Variants in PARN observed in about 807,000 individuals in gnomAD.
PARN encodes poly(A)-specific ribonuclease PARN.
A neutral mutation model predicts 102.8 loss-of-function variants in PARN; 71 were observed. That is an observed-to-expected ratio of 0.69 (90% CI 0.57 to 0.84). The LOEUF is 0.84. Ranked by LOEUF, PARN falls within the 40% of genes least tolerant of loss-of-function variation. The pLI, the probability that PARN is intolerant of heterozygous loss-of-function variation, is 0.00. For missense variants in PARN, 782 were observed against 760.9 expected (o/e 1.03, Z -0.33); for synonymous variants, 261 against 252.9 (o/e 1.03, Z -0.30).
chr16:14,460,510 G>C (rs1251343207), intron 22 of PARN, among the ~76,000 whole-genome samples: 2 of 151,976 alleles, frequency 1.3e-5, no homozygotes, highest in African/African-American at 4.8e-5. Context: ...TCTTCCAAAG[G>C]GTTGTCCTTT....
At chr16:14,569,160 C>T (rs545984781) in intron 18 of PARN, among the ~76,000 whole-genome samples, 2 of 151,190 alleles carry the variant, frequency 1.3e-5, no homozygotes, top group African/African-American at 2.4e-5. Flanking sequence ...TGCAGTGAGA[C>T]GAGATCACGC....
At chr16:14,532,491 G>A (rs1966395954) in intron 21 of PARN, among the ~76,000 whole-genome samples, 1 of 151,700 alleles carries the variant, frequency 6.6e-6, no homozygotes, top group South Asian at 2.1e-4. Flanking sequence ...ACAGGGTTGG[G>A]GGCAAGGTCA....
intron 12 of PARN, among the ~76,000 whole-genome samples, chr16:14,599,037 C>A (rs980560670): frequency 1.2e-5 from 1 of 81,462 alleles, no homozygotes; most frequent in African/African-American, 4.9e-5. Context: ...TTCTCCTCTT[C>A]TTTTTTTTTT....
intron 21 of PARN, among the ~76,000 whole-genome samples, chr16:14,547,986 T>A (rs1361678575): frequency 1.3e-5 from 2 of 152,308 alleles, no homozygotes; most frequent in Non-Finnish European, 2.9e-5. Context: ...GGCTCATGCT[T>A]GTAATCCCAG....
At chr16:14,543,691 CAAAA>C (rs1567367019) in intron 21 of PARN, among the ~76,000 whole-genome samples, 1 of 151,268 alleles carries the variant, frequency 6.6e-6, no homozygotes, top group African/African-American at 2.4e-5. Context: ...AAAGATAAAA[CAAAA>C]AAGCCAGCAG....
chr16:14,446,840 AT>A (rs758157114), intron 23 of PARN, 47 bp downstream of exon 23: 225 of 1,391,228 alleles, frequency 1.6e-4, no homozygotes, highest in Non-Finnish European at 6.0e-5. Context: ...TTTCTAGAGC[AT>A]TTAAATAGTC....
intron 23 of PARN, among the ~76,000 whole-genome samples, chr16:14,442,632 CGGAGTCTT>C (rs1960995878): frequency 2.1e-5 from 3 of 142,738 alleles, no homozygotes; most frequent in African/African-American, 7.5e-5. Flanking sequence ...TTTCTTGAGA[CGGAGTCTT>C]GGAGTCTTGC....
chr16:14,504,784 TAGAA>T (rs1362715593), intron 21 of PARN, among the ~76,000 whole-genome samples: 1 of 152,114 alleles, frequency 6.6e-6, no homozygotes, highest in Non-Finnish European at 1.5e-5. Context: ...GAGAAAAACT[TAGAA>T]TAAAAAAATC....
intron 18 of PARN, among the ~76,000 whole-genome samples, chr16:14,563,280 G>T (rs1968191294): frequency 6.6e-6 from 1 of 152,168 alleles, no homozygotes; most frequent in Non-Finnish European, 1.5e-5. Context: ...CAGACAGGCG[G>T]CCACTTTAAG....
intron 10 of PARN, 112 bp downstream of exon 10, chr16:14,606,372 G>C: frequency 1.9e-6 from 1 of 537,974 alleles, no homozygotes; most frequent in Non-Finnish European, 3.2e-6. Context: ...ACTCCAGCCT[G>C]GGTAATCAGA....
intron 21 of PARN, among the ~76,000 whole-genome samples, chr16:14,517,153 CCTTGCAATGTGA>C (rs1294095073): frequency 6.6e-6 from 1 of 152,152 alleles, no homozygotes; most frequent in Non-Finnish European, 1.5e-5. Context: ...TATGCATGCC[CCTTGCAATGTGA>C]CTTTTCTGCT....
intron 12 of PARN, among the ~76,000 whole-genome samples, chr16:14,597,955 C>T (rs1029440416): frequency 3.3e-5 from 5 of 151,928 alleles, no homozygotes; most frequent in Non-Finnish European, 7.4e-5. Context: ...GCCAGCCTGG[C>T]CAACATGGTG....
chr16:14,571,289 A>T (rs950832468), intron 18 of PARN, among the ~76,000 whole-genome samples: 1 of 150,780 alleles, frequency 6.6e-6, no homozygotes, highest in African/African-American at 2.4e-5. Flanking sequence ...AGGCGGAGGC[A>T]GAGATTGCAG....
At chr16:14,501,856 G>A (rs577309804) in intron 21 of PARN, among the ~76,000 whole-genome samples, 1 of 152,238 alleles carries the variant, frequency 6.6e-6, no homozygotes, top group East Asian at 1.9e-4. Flanking sequence ...ACACCCATTG[G>A]AGCCTGTTCT....
At chr16:14,579,488 T>C (rs1969370205) in intron 18 of PARN, among the ~76,000 whole-genome samples, 1 of 152,114 alleles carries the variant, frequency 6.6e-6, no homozygotes, top group Non-Finnish European at 1.5e-5. Context: ...AAGGGTCACT[T>C]GAGCTCAGGA....
intron 21 of PARN, among the ~76,000 whole-genome samples, chr16:14,510,129 C>T (rs935998455): frequency 1.1e-4 from 16 of 152,184 alleles, no homozygotes; most frequent in African/African-American, 3.9e-4. Context: ...CAGGGCATTT[C>T]AGGCATCTTT....
chr16:14,483,626 A>G (rs1315650898), intron 21 of PARN, among the ~76,000 whole-genome samples: 1 of 152,136 alleles, frequency 6.6e-6, no homozygotes, highest in Non-Finnish European at 1.5e-5. Context: ...CATCACGCAA[A>G]TTAAGATAAA....
At chr16:14,599,996 G>A (rs1458569379) in intron 11 of PARN, 36 bp from the exon 12 acceptor site, 2 of 1,180,690 alleles carry the variant, frequency 1.7e-6, no homozygotes, top group South Asian at 1.4e-5. Flanking sequence ...TATTATTGAT[G>A]TATAAATATT....
intron 22 of PARN, among the ~76,000 whole-genome samples, chr16:14,473,576 T>C (rs1051361414): frequency 6.6e-6 from 1 of 152,104 alleles, no homozygotes; most frequent in Non-Finnish European, 1.5e-5. Flanking sequence ...AACAGGAAAT[T>C]TCCCCAGAAA....
Sources: gnomAD v4.1 joint callset for allele counts (sites outside exome capture counted in the v4.1 genomes callset) on GRCh38, gnomAD v4.1.1 for gene constraint, MANE v1.5 for transcripts, NCBI Gene and HGNC (gene_info 2026-07-23, HGNC 2026-07-21) for gene names.